Variants in FAM171A1 observed in about 807,000 individuals in gnomAD.
FAM171A1 encodes the protein protein FAM171A1.
A neutral mutation model predicts 74.9 loss-of-function variants in FAM171A1; 23 were observed. The observed-to-expected ratio is 0.31, with a 90% CI of 0.22 to 0.44. The LOEUF (loss-of-function observed/expected upper bound fraction) is 0.44. FAM171A1 is among the 20% of genes least tolerant of loss of function. FAM171A1 has a pLI of 1.00. For synonymous variants in FAM171A1, 527 were observed against 505.7 expected (o/e 1.04, Z -0.57); for missense variants, 1,162 against 1,159.2 (o/e 1.00, Z -0.03).
At chr10:15,225,464 CATG>C (rs1411847497) in intron 5 of FAM171A1, among the ~76,000 whole-genome samples, 1 of 152,202 alleles carries the variant, frequency 6.6e-6, no homozygotes. Context: ...AAAAGCATTT[CATG>C]CTTTCCGTGT....
intron 5 of FAM171A1, 95 bp from the exon 6 acceptor site, chr10:15,221,155 G>A: frequency 9.2e-7 from 1 of 1,090,602 alleles, no homozygotes; most frequent in Non-Finnish European, 1.3e-6. Flanking sequence ...TATCTTAAAT[G>A]TCATGTTTAT....
chr10:15,322,500 G>A (rs1049427323), intron 1 of FAM171A1, among the ~76,000 whole-genome samples: 1 of 152,176 alleles, frequency 6.6e-6, no homozygotes, highest in Non-Finnish European at 1.5e-5. Context: ...GTGGAGTTAG[G>A]GCTGATTATC....
At chr10:15,370,425 A>AGCGGCC (rs200874168) in intron 1 of FAM171A1, among the ~76,000 whole-genome samples, 9,712 of 150,886 alleles carry the variant, frequency 0.064, 655 homozygotes, top group African/African-American at 0.17. Flanking sequence ...TAGTGGCGGC[A>AGCGGCC]GCGGACCTCG....
At chr10:15,294,367 C>G (rs1030201404) in intron 1 of FAM171A1, among the ~76,000 whole-genome samples, 3 of 152,264 alleles carry the variant, frequency 2.0e-5, no homozygotes, top group African/African-American at 4.8e-5. Flanking sequence ...GTCTGCCTGC[C>G]CAAGGTCGTG....
chr10:15,370,492 A>G (rs1836127145), intron 1 of FAM171A1, among the ~76,000 whole-genome samples: 1 of 151,668 alleles, frequency 6.6e-6, no homozygotes, highest in African/African-American at 2.4e-5. Context: ...CCGCCACAAC[A>G]AAAGGCCCCA....
At chr10:15,233,361 T>C (rs1448546001) in intron 5 of FAM171A1, among the ~76,000 whole-genome samples, 1 of 152,128 alleles carries the variant, frequency 6.6e-6, no homozygotes, top group Non-Finnish European at 1.5e-5. Context: ...TGTGATCCCA[T>C]TTTTCTTCCC....
chr10:15,353,943 C>T (rs1414712700), intron 1 of FAM171A1, among the ~76,000 whole-genome samples: 6 of 152,200 alleles, frequency 3.9e-5, no homozygotes, highest in East Asian at 1.9e-4. Flanking sequence ...TCAATCAGGC[C>T]GTGGGCATGC....
At chr10:15,238,958 C>T (rs899281018) in intron 5 of FAM171A1, among the ~76,000 whole-genome samples, 1 of 150,332 alleles carries the variant, frequency 6.7e-6, no homozygotes, top group Admixed American at 6.6e-5. Flanking sequence ...ATACAGGATC[C>T]GTAAATCTTT....
At position 15,213,729 on chromosome 10, in the gene FAM171A1, T is replaced by A. The variant is rs751838649; in HGVS notation, c.1859A>T (p.Asn620Ile). The A allele has an allele frequency of 1.9e-6, 3 of 1,613,258 alleles. 1 individual carries two copies. The Admixed American group carries it at 5.0e-5, about 27-fold the overall frequency. Residue 620 changes from asparagine (N) to isoleucine (I), a missense_variant, in exon 8 of 8, where the codon AAT (asparagine) becomes ATT (isoleucine). Physicochemically the swap from Asn to Ile is moderately radical, Grantham distance 149. Coordinates refer to ENST00000378116, the MANE Select transcript of FAM171A1 (RefSeq NM_001010924.2). The surrounding 1 kb of genome is among the most constrained non-coding windows in gnomAD (Gnocchi z 6.8). ...EIERLQAELS[N>I]PHAGIFPHPS... ...GTGTGGGAAGATCCCGGCATGGGGA[T>A]TGGACAGCTCAGCCTGTAGTCTTTC...
In FAM171A1 at chr10:15,223,564, T is replaced by C. The variant is rs144314305; in HGVS notation, c.755-2504A>G. On this transcript the variant is annotated intron_variant, in intron 5 of 7. Transcript: ENST00000378116. ...CTTTCTCCCTAAGTTGCCTTTCCCT[T>C]CTAAAACACACGATAACCAATTGAA... Among the ~76,000 whole-genome samples the C allele has an allele frequency of 4.5e-3, 680 of 152,296 alleles. 7 individuals are homozygous for C. Among genetic ancestry groups the C allele is most frequent in the African/African-American group, 0.015 (641 of 41,554 alleles).
At chr10:15,247,278 TTGAG>T (rs776471828) in intron 5 of FAM171A1, among the ~76,000 whole-genome samples, 11 of 152,220 alleles carry the variant, frequency 7.2e-5, no homozygotes, top group Non-Finnish European at 1.3e-4. Context: ...TATTGGTTGA[TTGAG>T]TGAGTGAGTG....
In FAM171A1 at chr10:15,213,937, G is replaced by T. The variant is rs1389199828; in HGVS notation, c.1651C>A (p.Pro551Thr). Reference protein sequence around the residue: ...MSRSVDHLERPTSFPRPGQLI... With the variant: ...MSRSVDHLERTTSFPRPGQLI... ...TGGCCGGGCCGTGGGAAGGACGTAG[G>T]TCTCTCGAGGTGATCTACTGATCGC... Residue 551 changes from proline to threonine, a missense_variant, in exon 8 of 8, where the codon CCT becomes ACT. Pro to Thr is a conservative substitution (Grantham distance 38). Transcript: ENST00000378116. The surrounding 1 kb of genome is among the most constrained non-coding windows in gnomAD (Gnocchi z 6.8). 1 of 1,614,178 alleles carries T rather than the reference G, an allele frequency of 6.2e-7. No homozygotes were observed.
intron 1 of FAM171A1, among the ~76,000 whole-genome samples, chr10:15,315,760 C>A (rs1472977720): frequency 1.3e-5 from 2 of 152,198 alleles, no homozygotes. Flanking sequence ...CAAGCTCAGG[C>A]CTTAAGAAGC....
chr10:15,322,200 T>C (rs1443147431), intron 1 of FAM171A1, among the ~76,000 whole-genome samples: 3 of 152,166 alleles, frequency 2.0e-5, no homozygotes, highest in African/African-American at 7.2e-5. Context: ...TTGTTCTAAA[T>C]GGACAAATAA....
intron 1 of FAM171A1, among the ~76,000 whole-genome samples, chr10:15,313,220 C>A (rs1835384467): frequency 6.6e-6 from 1 of 152,212 alleles, no homozygotes; most frequent in Non-Finnish European, 1.5e-5. Flanking sequence ...CACTGCTTTG[C>A]AGCAGTAAAC....
chr10:15,371,254 C>CGGT lies in FAM171A1; in HGVS notation c.-203_-202insACC, dbSNP rs1836144767. Among the ~76,000 whole-genome samples, 1 of 144,278 alleles carries CGGT rather than the reference C, an allele frequency of 6.9e-6. No homozygotes were observed. The highest frequency in any genetic ancestry group is 1.5e-5 in the Non-Finnish European group (1 of 65,226). The allele number at this position is 144,278 out of a possible 152,430, so 94.7% of individuals were successfully genotyped here. ...TTTCCCCGAAGAGCCGCGGCGGCGGCGGCGGCGGCGGCTGCTGCTGCTCCG... is the reference window on the plus strand; with the variant it reads ...TTTCCCCGAAGAGCCGCGGCGGCGGCGGTGGCGGCGGCGGCTGCTGCTGCTCCG... On this transcript the variant is annotated 5_prime_UTR_variant, in exon 1 of 8. Coordinates refer to ENST00000378116, the MANE Select transcript of FAM171A1 (RefSeq NM_001010924.2).
chr10:15,227,194 T>C (rs1056386728), intron 5 of FAM171A1, among the ~76,000 whole-genome samples: 20 of 152,096 alleles, frequency 1.3e-4, no homozygotes, highest in Admixed American at 1.2e-3. Context: ...GGAAATGGAG[T>C]TTCACCATGT....
chr10:15,358,031 A>G (rs1214729111), intron 1 of FAM171A1, among the ~76,000 whole-genome samples: 1 of 152,326 alleles, frequency 6.6e-6, no homozygotes, highest in East Asian at 1.9e-4. Context: ...GCTGGAGTGC[A>G]CTGACAGGAT....
chr10:15,243,155 G>A (rs558783304), intron 5 of FAM171A1, among the ~76,000 whole-genome samples: 2 of 152,174 alleles, frequency 1.3e-5, no homozygotes, highest in East Asian at 1.9e-4. Context: ...TCCAGTGGGT[G>A]CCTGTATTCC....
Sources: allele counts gnomAD v4.1 joint callset (sites outside exome capture counted in the v4.1 genomes callset), GRCh38; gene constraint gnomAD v4.1.1; non-coding constraint Gnocchi (gnomAD v3.1); transcripts MANE v1.5; gene names NCBI Gene and HGNC (gene_info 2026-07-23, HGNC 2026-07-21).